The following SPTBN1 variants were observed in gnomAD, a reference collection of about 807,000 sequenced individuals.
SPTBN1 encodes the protein spectrin beta, non-erythrocytic 1.
SPTBN1 carries 32 observed loss-of-function variants against 266.4 expected under a neutral mutation model. The observed-to-expected ratio is 0.12, with a 90% confidence interval of 0.09 to 0.16. SPTBN1 has a LOEUF of 0.16. Among genes scored for constraint, SPTBN1 ranks in the 10% least tolerant of loss-of-function variants. The probability of loss-of-function intolerance (pLI) is 1.00; values close to 1 mark genes in which losing one functional copy is unlikely to be tolerated. For synonymous variants in SPTBN1, 1,336 were observed against 1,162.2 expected (o/e 1.15, Z -3.04); for missense variants, 2,296 against 3,067.1 (o/e 0.75, Z 5.94).
chr2:54,485,993 G>T (rs1179108395), intron 1 of SPTBN1, among the ~76,000 whole-genome samples: 1 of 138,342 alleles, frequency 7.2e-6, no homozygotes. Flanking sequence ...TCTCCGCCCG[G>T]CAGCCGCCCC....
intron 2 of SPTBN1, among the ~76,000 whole-genome samples, chr2:54,548,990 A>G (rs6545429): frequency 0.8 from 122,193 of 152,174 alleles, 49,611 homozygotes; most frequent in African/African-American, 0.94. Flanking sequence ...CTGGGGGTAT[A>G]GGGTGAAGGT....
chr2:54,657,845 T>G lies in SPTBN1; in HGVS notation c.6047-5T>G. ...ACGTGTACTAACTCATGGTACCCTG[T>G]GCAGTTCTGGAGGTCCATCAGTTCT... On this transcript the variant is annotated splice_polypyrimidine_tract_variant and splice_region_variant and intron_variant, in intron 29 of 35. Transcript: ENST00000356805. 6.2e-7 allele frequency: 1 copy of G among 1,614,136 alleles called. No individual in the cohort carries two copies. Among genetic ancestry groups the G allele is most frequent in the Non-Finnish European group, 8.5e-7 (1 of 1,180,026 alleles).
chr2:54,499,071 T>C (rs951898237), intron 1 of SPTBN1, among the ~76,000 whole-genome samples: 3 of 152,088 alleles, frequency 2.0e-5, no homozygotes, highest in Non-Finnish European at 4.4e-5. Flanking sequence ...GGAGCACAGG[T>C]GTGTCCTGAG....
chr2:54,659,115 G>A (rs1680866481), intron 30 of SPTBN1, 39 bp from the exon 31 acceptor site: 1 of 1,609,598 alleles, frequency 6.2e-7, no homozygotes, highest in South Asian at 1.1e-5. Context: ...AAGAGGCAGA[G>A]TTTGGGACTC....
At chr2:54,555,795 C>A (rs1672832236) in intron 2 of SPTBN1, among the ~76,000 whole-genome samples, 1 of 152,210 alleles carries the variant, frequency 6.6e-6, no homozygotes, top group Admixed American at 6.5e-5. Context: ...TACTGTGCTG[C>A]TTGAGAGGAG....
At chr2:54,576,453 C>A (rs1674484755) in intron 2 of SPTBN1, among the ~76,000 whole-genome samples, 1 of 151,250 alleles carries the variant, frequency 6.6e-6, no homozygotes, top group South Asian at 2.1e-4. Flanking sequence ...GCTGTTGGCT[C>A]TGTTACTTCA....
At chr2:54,613,217 T>C (rs1573529690) in intron 4 of SPTBN1, among the ~76,000 whole-genome samples, 1 of 152,192 alleles carries the variant, frequency 6.6e-6, no homozygotes, top group African/African-American at 2.4e-5. Context: ...TAGTGTCAGG[T>C]TTCTCTGCGA....
chr2:54,630,612 T>C (rs959238607), intron 15 of SPTBN1, among the ~76,000 whole-genome samples: 1 of 152,246 alleles, frequency 6.6e-6, no homozygotes, highest in Non-Finnish European at 1.5e-5. Flanking sequence ...ATTGCTCACA[T>C]TGGAGCTCTG....
intron 2 of SPTBN1, among the ~76,000 whole-genome samples, chr2:54,530,352 A>ATTTTTTTTTTTT (rs1558810829): frequency 9.9e-5 from 6 of 60,738 alleles, no homozygotes; most frequent in South Asian, 5.8e-4. Flanking sequence ...ATTGTAAAAA[A>ATTTTTTTTTTTT]CTTTTTTTTT....
chr2:54,520,860 A>G (rs897942347), intron 1 of SPTBN1, among the ~76,000 whole-genome samples: 1 of 152,052 alleles, frequency 6.6e-6, no homozygotes, highest in African/African-American at 2.4e-5. Context: ...TTGCTCTGCT[A>G]TTAGAGGGAT....
chr2:54,605,908 G>A (rs913877468), intron 3 of SPTBN1, among the ~76,000 whole-genome samples: 1 of 152,178 alleles, frequency 6.6e-6, no homozygotes, highest in African/African-American at 2.4e-5. Context: ...ACAGCCAGTC[G>A]CCATCAGCAT....
At chr2:54,578,974 A>G (rs1342375926) in intron 2 of SPTBN1, among the ~76,000 whole-genome samples, 1 of 152,066 alleles carries the variant, frequency 6.6e-6, no homozygotes, top group Non-Finnish European at 1.5e-5. Flanking sequence ...CCATGTCACC[A>G]TTTTTCCCAA....
intron 2 of SPTBN1, chr2:54,557,814 A>G: frequency 1.0e-6 from 1 of 985,302 alleles, no homozygotes; most frequent in South Asian, 4.7e-5. Context: ...GAGATTCTTC[A>G]CTGAGCCCGA....
intron 2 of SPTBN1, among the ~76,000 whole-genome samples, chr2:54,550,804 C>G (rs952389308): frequency 6.6e-6 from 1 of 152,124 alleles, no homozygotes; most frequent in African/African-American, 2.4e-5. Context: ...GTTGAAAGTC[C>G]CTGCAGAGAA....
At position 54,628,887 on chromosome 2, in the gene SPTBN1, G is replaced by A; in HGVS notation, c.1799-46G>A. ...TGCCTGCCAGTGAGCCTGCACCCAT[G>A]CTGAGCTCCCTCACACAGCCACGTT... On this transcript the variant is annotated intron_variant, in intron 13 of 35. Coordinates refer to ENST00000356805, the MANE Select transcript of SPTBN1 (RefSeq NM_003128.3). This position sits in a 1 kb window ranked among gnomAD's most constrained non-coding sequence, Gnocchi z 4.3. 6.5e-7 allele frequency: 1 copy of A among 1,536,710 alleles called. No individual in the cohort carries two copies. The highest frequency in any genetic ancestry group is 8.7e-7 in the Non-Finnish European group (1 of 1,143,860).
intron 1 of SPTBN1, chr2:54,457,153 G>GCCCCCCCCCCCCCCCCGCCCCAC (rs1217190444): frequency 2.0e-5 from 1 of 49,690 alleles, no homozygotes; most frequent in African/African-American, 9.3e-5. Flanking sequence ...TCGTGCGCCC[G>GCCCCCCCCCCCCCCCCGCCCCAC]CCCCCCCCCC....
At chr2:54,495,300 C>G (rs1668908263) in intron 1 of SPTBN1, among the ~76,000 whole-genome samples, 1 of 152,114 alleles carries the variant, frequency 6.6e-6, no homozygotes, top group African/African-American at 2.4e-5. Context: ...TTTGCCCACT[C>G]TGGGAAGATG....
At chr2:54,564,960 G>C (rs543269917) in intron 2 of SPTBN1, among the ~76,000 whole-genome samples, 1 of 152,274 alleles carries the variant, frequency 6.6e-6, no homozygotes, top group African/African-American at 2.4e-5. Context: ...CAAAATTAAT[G>C]AAGTCAGTGT....
Position 54,632,077 on chromosome 2 carries a change from TAAAAAAA to T in SPTBN1, c.3565-474_3565-468del. ...GGTGGCAGGGTGAGACCCTGTCTCT[TAAAAAAA>T]AAAAAAAAAAAAAAGTACGGTGAGG... is the stretch of plus-strand genomic sequence containing the variant. On this transcript the variant is annotated intron_variant, in intron 16 of 35. Transcript: ENST00000356805. 2.5e-5 allele frequency among the ~76,000 whole-genome samples: 3 copies of T among 120,830 alleles called. No individual in the cohort carries two copies. In the Middle Eastern group the frequency reaches 0.012, roughly 468 times the overall value. 79.3% of individuals were successfully genotyped at this position (120,830 alleles called of 152,430 possible). A position where few individuals can be genotyped will look rare whatever the true frequency, so the allele number is the denominator to read the frequency against.
Sources: gnomAD v4.1 joint callset for allele counts (sites outside exome capture counted in the v4.1 genomes callset) on GRCh38, gnomAD v4.1.1 for gene constraint, Gnocchi (gnomAD v3.1) non-coding constraint, MANE v1.5 for transcripts, NCBI Gene and HGNC (gene_info 2026-07-23, HGNC 2026-07-21) for gene names.